Variants in KMT2C observed in about 807,000 individuals in gnomAD.
KMT2C encodes the protein histone-lysine N-methyltransferase 2C.
Under a neutral mutation model 507.9 loss-of-function variants are expected in KMT2C, and 88 were observed. The observed-to-expected ratio is 0.17, with a 90% CI of 0.15 to 0.21. The LOEUF is 0.21. KMT2C is among the 10% of genes least tolerant of loss of function. The pLI, the probability that KMT2C is intolerant of heterozygous loss-of-function variation, is 1.00. For missense variants in KMT2C, 4,954 were observed against 5,957.8 expected, an observed-to-expected ratio of 0.83 and a Z score of 5.55; for synonymous variants, 2,049 against 2,080.8, an observed-to-expected ratio of 0.98 and a Z score of 0.42.
At chr7:152,270,976 C>CTGCCCCTTAGGAAGCT (rs1304072347) in intron 7 of KMT2C, among the ~76,000 whole-genome samples, 34 of 152,154 alleles carry the variant, frequency 2.2e-4, no homozygotes, top group African/African-American at 7.5e-4. Flanking sequence ...AGTCAACTAT[C>CTGCCCCTTAGGAAGCT]ACAGCTACTG....
chr7:152,396,078 A>G (rs1043199091), intron 1 of KMT2C, among the ~76,000 whole-genome samples: 1 of 150,478 alleles, frequency 6.6e-6, no homozygotes, highest in Non-Finnish European at 1.5e-5. Flanking sequence ...TCAAACAGCT[A>G]CTAAGTGTGA....
At chr7:152,139,162 C>A (rs1386648766) in intron 57 of KMT2C, 24 bp downstream of exon 57, 60 of 1,611,806 alleles carry the variant, frequency 3.7e-5, no homozygotes, top group Non-Finnish European at 5.0e-5. Context: ...AAAGCACTCC[C>A]CGTCAGGTTC....
intron 23 of KMT2C, among the ~76,000 whole-genome samples, chr7:152,213,617 G>A (rs1381874807): frequency 4.6e-5 from 7 of 152,032 alleles, no homozygotes; most frequent in African/African-American, 1.4e-4. Flanking sequence ...ACTCCTAGAA[G>A]GAAATATAGG....
chr7:152,204,979 A>G, intron 25 of KMT2C, 127 bp downstream of exon 25: 1 of 587,250 alleles, frequency 1.7e-6, no homozygotes, highest in Non-Finnish European at 3.0e-6. Flanking sequence ...ACTCTTATTG[A>G]GTAACAATAA....
chr7:152,276,224 T>C (rs1249020317), intron 6 of KMT2C, among the ~76,000 whole-genome samples: 1 of 152,232 alleles, frequency 6.6e-6, no homozygotes, highest in Non-Finnish European at 1.5e-5. Flanking sequence ...AGAAAATGTT[T>C]ACTATATATA....
At chr7:152,174,564 T>C (rs1197151586) in intron 38 of KMT2C, among the ~76,000 whole-genome samples, 1 of 152,174 alleles carries the variant, frequency 6.6e-6, no homozygotes, top group Non-Finnish European at 1.5e-5. Flanking sequence ...AAATATAACA[T>C]CACAAATAAG....
At chr7:152,263,182 T>TACAA in intron 8 of KMT2C, 52 bp from the exon 9 acceptor site, 10 of 1,432,178 alleles carry the variant, frequency 7.0e-6, no homozygotes, top group Non-Finnish European at 9.7e-6. Flanking sequence ...TTATGTTTTG[T>TACAA]AACATAAGTA....
At chr7:152,217,507 T>C (rs1316028325) in intron 23 of KMT2C, among the ~76,000 whole-genome samples, 1 of 152,210 alleles carries the variant, frequency 6.6e-6, no homozygotes, top group South Asian at 2.1e-4. Context: ...TAAATGAACA[T>C]GAGGGACTAG....
At chr7:152,256,409 A>G (rs1479515739) in intron 9 of KMT2C, among the ~76,000 whole-genome samples, 1 of 151,728 alleles carries the variant, frequency 6.6e-6, no homozygotes, top group Admixed American at 6.6e-5. Context: ...CTACAAAAGT[A>G]AAAAATTAGC....
intron 1 of KMT2C, among the ~76,000 whole-genome samples, chr7:152,413,103 T>A (rs1164234022): frequency 2.6e-5 from 4 of 152,042 alleles, no homozygotes; most frequent in African/African-American, 7.2e-5. Context: ...ACAATGTAAA[T>A]CTATTCATTC....
intron 1 of KMT2C, among the ~76,000 whole-genome samples, chr7:152,397,716 G>A (rs2097545728): frequency 6.6e-6 from 1 of 152,034 alleles, no homozygotes; most frequent in Non-Finnish European, 1.5e-5. Flanking sequence ...CATAGGGGTG[G>A]TTTCCCCATA....
intron 9 of KMT2C, among the ~76,000 whole-genome samples, chr7:152,255,175 G>A (rs918912215): frequency 7.1e-6 from 1 of 141,626 alleles, no homozygotes; most frequent in African/African-American, 2.6e-5. Context: ...GTGTGTGTGT[G>A]TGTGTTTTGG....
chr7:152,343,605 A>G (rs2129221312), intron 2 of KMT2C, among the ~76,000 whole-genome samples: 2 of 152,288 alleles, frequency 1.3e-5, no homozygotes, highest in Middle Eastern at 3.4e-3. Context: ...ATCAAAAAGG[A>G]TAAATGCCCA....
rs974163025 is a variant in KMT2C at position 152,375,343 on chromosome 7, G to GT, written c.162-16669dup. On this transcript the variant is annotated intron_variant, in intron 1 of 58. Coordinates refer to ENST00000262189, the MANE Select transcript of KMT2C (RefSeq NM_170606.3). ...AGGCGTAAGCCACCACACCCAGCGA[G>GT]TTTTTTTTAAAATAGCAAAGGCTTT... Among the ~76,000 whole-genome samples the GT allele has an allele frequency of 5.3e-5, 8 of 151,166 alleles. No homozygotes were observed. The East Asian group carries it at 9.8e-4, about 18-fold the overall frequency.
chr7:152,429,664 G>A (rs915192377), intron 1 of KMT2C, among the ~76,000 whole-genome samples: 4 of 151,692 alleles, frequency 2.6e-5, no homozygotes, highest in Non-Finnish European at 4.4e-5. Flanking sequence ...GGGACTATAG[G>A]TGCCTGCCAC....
Position 152,263,110 on chromosome 7 carries a change from T to C in KMT2C, c.1205A>G (p.Lys402Arg). The change falls in exon 9 of 59, where the codon AAG becomes AGG. Residue 402 changes from lysine to arginine, a missense_variant. By Grantham distance (26) the Lys-to-Arg change is conservative (BLOSUM62 2). Transcript: ENST00000262189. ...QNCKQSGEDS[K>R]MLVCDTCDKG... The stretch of plus-strand genomic sequence containing the variant: ...GTCACACGTATCACACACTAGCATC[T>C]TGCTATCTTCTCCCGATTGTCTAAA... 6.2e-7 allele frequency: 1 copy of C among 1,611,362 alleles called. No individual in the cohort carries two copies.
At chr7:152,353,824 A>G (rs1012209289) in intron 2 of KMT2C, among the ~76,000 whole-genome samples, 4 of 152,176 alleles carry the variant, frequency 2.6e-5, no homozygotes, top group African/African-American at 9.7e-5. Context: ...ACTACAAAAC[A>G]TTAAGTAAGC....
chr7:152,344,980 C>G (rs796393202), intron 2 of KMT2C, among the ~76,000 whole-genome samples: 6 of 152,122 alleles, frequency 3.9e-5, no homozygotes, highest in African/African-American at 1.4e-4. Context: ...GAGTGAGACT[C>G]TGTCTCAAAA....
At chr7:152,212,045 C>A (rs1484948026) in intron 23 of KMT2C, among the ~76,000 whole-genome samples, 1 of 151,528 alleles carries the variant, frequency 6.6e-6, no homozygotes, top group Non-Finnish European at 1.5e-5. Context: ...AAGACTCCAT[C>A]GAAAGAAACG....
Sources: gnomAD v4.1 joint callset for allele counts (sites outside exome capture counted in the v4.1 genomes callset) on GRCh38, gnomAD v4.1.1 for gene constraint, MANE v1.5 for transcripts, NCBI Gene and HGNC (gene_info 2026-07-23, HGNC 2026-07-21) for gene names.